Variants in DLGAP4 observed in about 807,000 individuals in gnomAD.
DLGAP4 encodes DLG associated protein 4, also known as disks large-associated protein 4.
DLGAP4 carries 18 observed loss-of-function variants against 86.9 expected under a neutral mutation model. The ratio of observed to expected loss-of-function variants is 0.21; its 90% CI spans 0.14 to 0.31. The LOEUF (loss-of-function observed/expected upper bound fraction) is 0.31. Among genes scored for constraint, DLGAP4 ranks in the 10% least tolerant of loss-of-function variants. DLGAP4 has a pLI of 1.00. For synonymous variants in DLGAP4, 548 were observed against 574.3 expected (o/e 0.95, Z 0.65); for missense variants, 1,085 against 1,362.6 (o/e 0.80, Z 3.21).
chr20:36,432,759 G>T lies in DLGAP4; in HGVS notation c.999+43G>T. 1 of 1,601,726 alleles carries T rather than the reference G, an allele frequency of 6.2e-7. No individual in the cohort carries two copies. Among genetic ancestry groups the T allele is most frequent in the Non-Finnish European group, 8.5e-7 (1 of 1,173,928 alleles). ...TCAGGGGTGGGATGAGGGCTCTGGG[G>T]ACGGCACCAGTTTTGAGGCCTAGAC... On this transcript the variant is annotated intron_variant, in intron 3 of 12. Coordinates refer to ENST00000339266, the MANE Select transcript of DLGAP4 (RefSeq NM_001365621.2). The surrounding 1 kb of genome is among the most constrained non-coding windows in gnomAD (Gnocchi z 6.5).
At chr20:36,320,773 C>G (rs1449302937) in intron 1 of DLGAP4, among the ~76,000 whole-genome samples, 1 of 152,058 alleles carries the variant, frequency 6.6e-6, no homozygotes, top group Non-Finnish European at 1.5e-5. Flanking sequence ...AGAGGCCTGG[C>G]CCTCTACCGA....
At chr20:36,427,133 T>C (rs372060177) in intron 2 of DLGAP4, among the ~76,000 whole-genome samples, 2 of 152,138 alleles carry the variant, frequency 1.3e-5, no homozygotes, top group Admixed American at 1.3e-4. Flanking sequence ...CGGTGAGCTA[T>C]GATCACACCA....
chr20:36,316,273 G>A (rs1347587809), intron 1 of DLGAP4, among the ~76,000 whole-genome samples: 1 of 150,260 alleles, frequency 6.7e-6, no homozygotes, highest in Non-Finnish European at 1.5e-5. Flanking sequence ...TGAGGCCATT[G>A]CTGCCCCTGT....
intron 1 of DLGAP4, among the ~76,000 whole-genome samples, chr20:36,357,039 C>G (rs531284555): frequency 1.3e-5 from 2 of 152,188 alleles, no homozygotes; most frequent in Non-Finnish European, 2.9e-5. Flanking sequence ...TAGACTACCC[C>G]ACAAAGCTGC....
At chr20:36,445,147 C>G (rs1237401162) in intron 6 of DLGAP4, among the ~76,000 whole-genome samples, 1 of 151,878 alleles carries the variant, frequency 6.6e-6, no homozygotes, top group Non-Finnish European at 1.5e-5. Context: ...ACTATGTTGC[C>G]CAGGCTGAAT....
intron 2 of DLGAP4, among the ~76,000 whole-genome samples, chr20:36,414,397 C>T (rs926536241): frequency 5.9e-5 from 9 of 152,224 alleles, no homozygotes; most frequent in African/African-American, 1.9e-4. Context: ...AGCTGTCCCC[C>T]ACCAGCTCTT....
intron 1 of DLGAP4, among the ~76,000 whole-genome samples, chr20:36,342,609 A>G (rs1238539272): frequency 6.6e-6 from 1 of 152,238 alleles, no homozygotes; most frequent in Non-Finnish European, 1.5e-5. Flanking sequence ...GTCTGAGCTC[A>G]GAGAAGCCTC....
intron 2 of DLGAP4, among the ~76,000 whole-genome samples, chr20:36,423,643 C>T (rs552000411): frequency 1.3e-5 from 2 of 151,594 alleles, no homozygotes; most frequent in Non-Finnish European, 2.9e-5. Context: ...AAATGCGAGG[C>T]TTTCTATATG....
chr20:36,477,063 A>ACGG (rs2034977172), intron 7 of DLGAP4, among the ~76,000 whole-genome samples: 4 of 151,176 alleles, frequency 2.6e-5, no homozygotes, highest in African/African-American at 9.7e-5. Context: ...ATTAACTCTT[A>ACGG]TGGTAGTGAT....
chr20:36,411,281 G>A lies in DLGAP4; in HGVS notation c.-72-20365G>A, dbSNP rs114212381. On this transcript the variant is annotated intron_variant, in intron 2 of 12. Coordinates refer to ENST00000339266, the MANE Select transcript of DLGAP4 (RefSeq NM_001365621.2). Reference sequence around the variant, plus strand: ...CAGGATTATAGACGTGGGCCACCGCGCCTGGCCTTCAATTCAAATTCTTGT... The same window carrying A: ...CAGGATTATAGACGTGGGCCACCGCACCTGGCCTTCAATTCAAATTCTTGT... Among the ~76,000 whole-genome samples, 760 of 152,236 alleles carry A rather than the reference G, an allele frequency of 5.0e-3. 8 individuals are homozygous for A. The highest frequency in any genetic ancestry group is 0.018 in the African/African-American group (738 of 41,554).
At chr20:36,501,330 T>C (rs1045666759) in intron 10 of DLGAP4, among the ~76,000 whole-genome samples, 51 of 152,116 alleles carry the variant, frequency 3.4e-4, no homozygotes, top group African/African-American at 1.2e-3. Flanking sequence ...CCTCCCAGAG[T>C]GCTGGGATTA....
At chr20:36,420,099 A>T (rs1439735386) in intron 2 of DLGAP4, among the ~76,000 whole-genome samples, 1 of 152,216 alleles carries the variant, frequency 6.6e-6, no homozygotes, top group East Asian at 1.9e-4. Flanking sequence ...GCTTGAGTGG[A>T]AAACTTAACT....
chr20:36,324,388 C>G (rs1430614704), intron 1 of DLGAP4, among the ~76,000 whole-genome samples: 30 of 152,172 alleles, frequency 2.0e-4, no homozygotes, highest in Admixed American at 1.8e-3. Flanking sequence ...GATTGCACCA[C>G]TGTACTCCAG....
rs1283605083 is a variant in DLGAP4, at chr20:36,306,839, G to A, written c.-304+327G>A. On this transcript the variant is annotated intron_variant, in intron 1 of 12. Coordinates refer to ENST00000339266, the MANE Select transcript of DLGAP4 (RefSeq NM_001365621.2). The surrounding 1 kb of genome is among the most constrained non-coding windows in gnomAD (Gnocchi z 4.9). ...CCCCATTCCGGCTCTTTTTCCCGCGGACTCCCCCGTACCCCATATCAAGCG... is the reference window on the plus strand; with the variant it reads ...CCCCATTCCGGCTCTTTTTCCCGCGAACTCCCCCGTACCCCATATCAAGCG... Among the ~76,000 whole-genome samples, 1 of 152,116 alleles carries A rather than the reference G, an allele frequency of 6.6e-6. No individual in the cohort carries two copies. Among genetic ancestry groups the A allele is most frequent in the Non-Finnish European group, 1.5e-5 (1 of 67,992 alleles).
intron 10 of DLGAP4, among the ~76,000 whole-genome samples, chr20:36,521,478 G>A (rs1356680188): frequency 6.6e-6 from 1 of 152,110 alleles, no homozygotes; most frequent in Non-Finnish European, 1.5e-5. Context: ...AACTAAGCCA[G>A]ACACAGGTCC....
intron 2 of DLGAP4, among the ~76,000 whole-genome samples, chr20:36,381,931 C>T (rs1399476947): frequency 6.6e-6 from 1 of 152,150 alleles, no homozygotes; most frequent in Non-Finnish European, 1.5e-5. Context: ...CTCATGGGGT[C>T]CCAGGAGAGC....
At chr20:36,427,749 C>A (rs1307814653) in intron 2 of DLGAP4, among the ~76,000 whole-genome samples, 1 of 151,954 alleles carries the variant, frequency 6.6e-6, no homozygotes, top group Non-Finnish European at 1.5e-5. Flanking sequence ...TCGAGACCAG[C>A]CTGGTCAACA....
At chr20:36,502,887 C>A (rs1196652265) in intron 10 of DLGAP4, among the ~76,000 whole-genome samples, 2 of 151,970 alleles carry the variant, frequency 1.3e-5, no homozygotes, top group Admixed American at 1.3e-4. Context: ...CCATGCCCAG[C>A]TAATTTTTTG....
intron 2 of DLGAP4, among the ~76,000 whole-genome samples, chr20:36,384,723 C>T (rs867559384): frequency 6.6e-6 from 1 of 152,184 alleles, no homozygotes; most frequent in Non-Finnish European, 1.5e-5. Flanking sequence ...CTCTTGGAAC[C>T]TCATAGAACT....
Sources: gnomAD v4.1 joint callset for allele counts (sites outside exome capture counted in the v4.1 genomes callset) on GRCh38, gnomAD v4.1.1 for gene constraint, Gnocchi (gnomAD v3.1) non-coding constraint, MANE v1.5 for transcripts, NCBI Gene and HGNC (gene_info 2026-07-23, HGNC 2026-07-21) for gene names.